KCNH7: variants seen among roughly 807,000 people sequenced by gnomAD.
The protein encoded by KCNH7 is voltage-gated inwardly rectifying potassium channel KCNH7.
In KCNH7, 49 loss-of-function variants were observed where a neutral mutation model predicts 120.8. That is an observed-to-expected ratio of 0.41 (90% CI 0.32 to 0.51). The LOEUF (loss-of-function observed/expected upper bound fraction) is 0.51. Ranked by LOEUF, KCNH7 falls within the 20% of genes least tolerant of loss-of-function variation. The pLI is 0.38. For missense variants in KCNH7, 1,097 were observed against 1,446.6 expected (o/e 0.76, Z 3.92); for synonymous variants, 547 against 516.1 (o/e 1.06, Z -0.81).
chr2:162,760,708 G>A (rs1165310023), intron 2 of KCNH7, among the ~76,000 whole-genome samples: 2 of 151,978 alleles, frequency 1.3e-5, no homozygotes, highest in African/African-American at 2.4e-5. Flanking sequence ...GAAATGTTTA[G>A]TGTTGGTATG....
At chr2:162,426,876 CACTT>C (rs1687881643) in intron 8 of KCNH7, among the ~76,000 whole-genome samples, 1 of 151,962 alleles carries the variant, frequency 6.6e-6, no homozygotes, top group African/African-American at 2.4e-5. Flanking sequence ...TGTAACCACT[CACTT>C]CAGACCTTAG....
chr2:162,538,367 C>T (rs1692184583), intron 2 of KCNH7, among the ~76,000 whole-genome samples: 1 of 152,060 alleles, frequency 6.6e-6, no homozygotes, highest in South Asian at 2.1e-4. Flanking sequence ...ATTTCGACTG[C>T]TTTTTTTCAC....
chr2:162,482,838 C>A (rs1216687495), intron 6 of KCNH7, among the ~76,000 whole-genome samples: 1 of 152,076 alleles, frequency 6.6e-6, no homozygotes, highest in East Asian at 1.9e-4. Context: ...AAAAAAGTTT[C>A]ATATAAAACT....
At chr2:162,493,150 T>C (rs1438401400) in intron 6 of KCNH7, among the ~76,000 whole-genome samples, 1 of 152,146 alleles carries the variant, frequency 6.6e-6, no homozygotes, top group Admixed American at 6.5e-5. Flanking sequence ...CCTGGGAAAC[T>C]ACATGTTTCC....
At chr2:162,807,111 AAAAC>A (rs1004104856) in intron 2 of KCNH7, among the ~76,000 whole-genome samples, 15 of 151,962 alleles carry the variant, frequency 9.9e-5, no homozygotes, top group African/African-American at 3.6e-4. Context: ...GCAAAAAACA[AAAAC>A]AAACAAAAAA....
At chr2:162,509,637 A>T (rs530532037) in intron 5 of KCNH7, among the ~76,000 whole-genome samples, 11 of 151,772 alleles carry the variant, frequency 7.2e-5, no homozygotes, top group Non-Finnish European at 1.3e-4. Context: ...AGTGCATGAC[A>T]TATTATTTGC....
At chr2:162,612,780 G>C (rs935021306) in intron 2 of KCNH7, among the ~76,000 whole-genome samples, 2 of 151,434 alleles carry the variant, frequency 1.3e-5, no homozygotes, top group African/African-American at 2.4e-5. Context: ...ACACAGAAAA[G>C]AACAATTTTT....
chr2:162,419,211 G>A (rs1313281065), intron 9 of KCNH7, among the ~76,000 whole-genome samples: 1 of 146,880 alleles, frequency 6.8e-6, no homozygotes, highest in Non-Finnish European at 1.5e-5. Context: ...CCTCTTCCTA[G>A]GCTCTTATTC....
chr2:162,593,083 T>C (rs1192601736), intron 2 of KCNH7, among the ~76,000 whole-genome samples: 1 of 152,146 alleles, frequency 6.6e-6, no homozygotes, highest in African/African-American at 2.4e-5. Context: ...TTAGGACTTA[T>C]GAGCCACACA....
intron 2 of KCNH7, among the ~76,000 whole-genome samples, chr2:162,568,562 G>C (rs1017057318): frequency 3.3e-5 from 5 of 151,980 alleles, no homozygotes; most frequent in African/African-American, 1.2e-4. Context: ...ATGAGGTAAA[G>C]TTGAGTGACA....
At chr2:162,375,656 G>A (rs529835567) in intron 14 of KCNH7, among the ~76,000 whole-genome samples, 28 of 152,190 alleles carry the variant, frequency 1.8e-4, no homozygotes, top group African/African-American at 4.8e-4. Context: ...GGCCAGTCAC[G>A]ATGGTTCATG....
chr2:162,690,930 C>A (rs1041968452), intron 2 of KCNH7, among the ~76,000 whole-genome samples: 7 of 152,142 alleles, frequency 4.6e-5, no homozygotes, highest in African/African-American at 1.7e-4. Context: ...AGGTAAATAT[C>A]AGGTCAGTTC....
At chr2:162,820,930 T>G (rs1437747066) in intron 2 of KCNH7, among the ~76,000 whole-genome samples, 1 of 152,220 alleles carries the variant, frequency 6.6e-6, no homozygotes, top group Non-Finnish European at 1.5e-5. Flanking sequence ...TTTTTTATTG[T>G]TTTTATTAGA....
chr2:162,557,450 C>T (rs1282284185), intron 2 of KCNH7, among the ~76,000 whole-genome samples: 1 of 152,114 alleles, frequency 6.6e-6, no homozygotes, highest in Admixed American at 6.5e-5. Flanking sequence ...TCCACAGGGT[C>T]CACTCATATT....
intron 2 of KCNH7, among the ~76,000 whole-genome samples, chr2:162,714,175 A>G (rs1248520044): frequency 6.6e-6 from 1 of 152,200 alleles, no homozygotes; most frequent in East Asian, 1.9e-4. Context: ...GTTAGGTCAG[A>G]GCCAATAGAC....
chr2:162,518,208 C>T, intron 3 of KCNH7, 50 bp from the exon 4 acceptor site: 1 of 1,350,800 alleles, frequency 7.4e-7, no homozygotes, highest in Non-Finnish European at 1.0e-6. Context: ...ATGATATATC[C>T]TGTAACAAAA....
chr2:162,694,280 A>T (rs1330187920), intron 2 of KCNH7, among the ~76,000 whole-genome samples: 3 of 152,302 alleles, frequency 2.0e-5, no homozygotes, highest in East Asian at 3.9e-4. Context: ...AAAAAAAGGC[A>T]TCCAATGCCA....
At chr2:162,409,018 A>G (rs1259523545) in intron 9 of KCNH7, among the ~76,000 whole-genome samples, 2 of 151,864 alleles carry the variant, frequency 1.3e-5, no homozygotes, top group Admixed American at 1.3e-4. Flanking sequence ...AAAGACTCAA[A>G]CAATAGCATA....
chr2:162,383,113 T>G (rs1686471814), intron 13 of KCNH7, among the ~76,000 whole-genome samples: 1 of 151,960 alleles, frequency 6.6e-6, no homozygotes, highest in Non-Finnish European at 1.5e-5. Flanking sequence ...AGAGTCATTA[T>G]AAAGTCAGAA....
Sources: gnomAD v4.1 joint callset for allele counts (sites outside exome capture counted in the v4.1 genomes callset) on GRCh38, gnomAD v4.1.1 for gene constraint, MANE v1.5 for transcripts, NCBI Gene and HGNC (gene_info 2026-07-23, HGNC 2026-07-21) for gene names.